Variants in LRRC8C observed in about 807,000 individuals in gnomAD.
LRRC8C encodes the protein leucine rich repeat containing 8 VRAC subunit C.
Under a neutral mutation model 55.3 loss-of-function variants are expected in LRRC8C, and 20 were observed. The observed-to-expected ratio is 0.36, with a 90% CI of 0.25 to 0.53. LRRC8C has a LOEUF of 0.53. Among genes scored for constraint, LRRC8C ranks in the 20% least tolerant of loss-of-function variants. The pLI is 0.92. For missense variants in LRRC8C, 659 were observed against 951.4 expected (o/e 0.69, Z 4.04); for synonymous variants, 376 against 360.7 (o/e 1.04, Z -0.48).
chr1:89,688,912 T>G (rs183480600), intron 2 of LRRC8C, among the ~76,000 whole-genome samples: 1 of 152,178 alleles, frequency 6.6e-6, no homozygotes, highest in Non-Finnish European at 1.5e-5. Context: ...GATTGATCTA[T>G]TGAGTTACTA....
intron 1 of LRRC8C, among the ~76,000 whole-genome samples, chr1:89,648,468 T>C (rs773892411): frequency 3.3e-5 from 5 of 152,164 alleles, no homozygotes; most frequent in Non-Finnish European, 7.4e-5. Flanking sequence ...ATCTGACCTA[T>C]GAGACAAATA....
chr1:89,628,040 C>A, the LRRC8C span, among the ~76,000 whole-genome samples: 1 of 152,184 alleles, frequency 6.6e-6, no homozygotes, highest in Non-Finnish European at 1.5e-5. Flanking sequence ...AGATATTCAA[C>A]CTGCATTTAG....
chr1:89,670,306 C>T (rs146477781), intron 1 of LRRC8C, among the ~76,000 whole-genome samples: 125 of 152,262 alleles, frequency 8.2e-4, no homozygotes, highest in Admixed American at 1.2e-3. Context: ...CGTTAAACCT[C>T]GCATTTTCAT....
chr1:89,677,603 T>C (rs991148719), intron 1 of LRRC8C, among the ~76,000 whole-genome samples: 5 of 152,238 alleles, frequency 3.3e-5, no homozygotes, highest in Non-Finnish European at 7.3e-5. Flanking sequence ...TTAAAAGTTA[T>C]AGTTCACCAT....
intron 2 of LRRC8C, among the ~76,000 whole-genome samples, chr1:89,697,475 G>C (rs963593926): frequency 6.6e-6 from 1 of 152,136 alleles, no homozygotes; most frequent in South Asian, 2.1e-4. Context: ...CAGAACTGAG[G>C]TTTCAGTCCC....
chr1:89,643,272 A>G lies in LRRC8C; in HGVS notation c.-5+9950A>G, dbSNP rs144986213. ...ACACCCAGCTATTTTTTGTGGAGAC[A>G]GGGTTTCATCATGTTGCCCAAGCTG... On this transcript the variant is annotated intron_variant, in intron 1 of 2. Coordinates refer to ENST00000370454, the MANE Select transcript of LRRC8C (RefSeq NM_032270.5). Among the ~76,000 whole-genome samples the G allele has an allele frequency of 1.8e-3, 267 of 152,298 alleles. 1 individual carries two copies. Among genetic ancestry groups the G allele is most frequent in the African/African-American group, 6.0e-3 (248 of 41,568 alleles).
At chr1:89,697,301 A>G (rs1385875938) in intron 2 of LRRC8C, among the ~76,000 whole-genome samples, 2 of 152,216 alleles carry the variant, frequency 1.3e-5, no homozygotes, top group African/African-American at 4.8e-5. Context: ...TTTTATTTGC[A>G]TGCTTCCCAT....
chr1:89,689,775 TACTA>T (rs1198265435), intron 2 of LRRC8C, among the ~76,000 whole-genome samples: 1 of 151,990 alleles, frequency 6.6e-6, no homozygotes, highest in African/African-American at 2.4e-5. Flanking sequence ...ACCCCATCTC[TACTA>T]ACAATACAAA....
chr1:89,696,001 C>T (rs936293030), intron 2 of LRRC8C, among the ~76,000 whole-genome samples: 1 of 152,204 alleles, frequency 6.6e-6, no homozygotes, highest in Non-Finnish European at 1.5e-5. Context: ...GGCAATTACT[C>T]TGATCCTCCC....
intron 1 of LRRC8C, among the ~76,000 whole-genome samples, chr1:89,677,501 C>G (rs1048645182): frequency 2.0e-5 from 3 of 152,172 alleles, no homozygotes; most frequent in African/African-American, 7.2e-5. Context: ...TATTTAAACT[C>G]TTTGTTTCTT....
At chr1:89,689,222 C>T (rs1313923051) in intron 2 of LRRC8C, among the ~76,000 whole-genome samples, 1 of 152,182 alleles carries the variant, frequency 6.6e-6, no homozygotes, top group Non-Finnish European at 1.5e-5. Context: ...GGACATGTTA[C>T]AGGCCTGAAG....
chr1:89,643,274 G>C (rs974184972), intron 1 of LRRC8C, among the ~76,000 whole-genome samples: 1 of 152,104 alleles, frequency 6.6e-6, no homozygotes, highest in African/African-American at 2.4e-5. Context: ...GTGGAGACAG[G>C]GTTTCATCAT....
chr1:89,691,429 C>T lies in LRRC8C; in HGVS notation c.138+4818C>T, dbSNP rs971000145. Among the ~76,000 whole-genome samples, 4 of 152,176 alleles carry T rather than the reference C, an allele frequency of 2.6e-5. 1 individual carries two copies. The highest frequency in any genetic ancestry group is 9.7e-5 in the African/African-American group (4 of 41,436). On this transcript the variant is annotated intron_variant, in intron 2 of 2. Coordinates refer to ENST00000370454, the MANE Select transcript of LRRC8C (RefSeq NM_032270.5). ...GGATTGGCACAGTGACCGGAGGGCC[C>T]AGATGGCATTTTTCGGAGAGGGTGG...
At chr1:89,674,459 T>C (rs1198718685) in intron 1 of LRRC8C, among the ~76,000 whole-genome samples, 1 of 152,206 alleles carries the variant, frequency 6.6e-6, no homozygotes, top group Non-Finnish European at 1.5e-5. Context: ...TAAATCAGTA[T>C]GTTAAATATA....
intron 2 of LRRC8C, among the ~76,000 whole-genome samples, chr1:89,708,963 C>G (rs1658565164): frequency 1.3e-5 from 2 of 151,974 alleles, no homozygotes; most frequent in Admixed American, 1.3e-4. Context: ...TTTTTCTACT[C>G]AGCGCTCGTT....
At chr1:89,689,585 C>T (rs992183598) in intron 2 of LRRC8C, among the ~76,000 whole-genome samples, 9 of 151,944 alleles carry the variant, frequency 5.9e-5, no homozygotes, top group African/African-American at 2.2e-4. Context: ...AGTTGTTCTG[C>T]ATGTATTTTG....
chr1:89,712,725 T>C lies in LRRC8C; in HGVS notation c.155T>C (p.Ile52Thr), dbSNP rs1343141901. ...ATGTTTCAGGTCATGCAAGACAAGA[T>C]AATCTGCCTTCCGAAAAGAGTGCAG... is the stretch of plus-strand genomic sequence containing the variant. ...GCTLQVMQDKIICLPKRVQPA... is the reference protein window; with the variant it reads ...GCTLQVMQDKTICLPKRVQPA... Residue 52 changes from isoleucine to threonine, a missense_variant, in exon 3 of 3, where the codon ATA becomes ACA. Around this residue, in one of 5 missense-constraint regions of LRRC8C, gnomAD observed 82 missense variants for 71.4 expected, o/e 1.15. Transcript: ENST00000370454. 1.9e-6 allele frequency: 3 copies of C among 1,613,572 alleles called. No homozygotes were observed. Among genetic ancestry groups the C allele is most frequent in the East Asian group, 4.5e-5 (2 of 44,890 alleles).
chr1:89,710,389 A>G (rs1658617820), intron 2 of LRRC8C, among the ~76,000 whole-genome samples: 1 of 152,166 alleles, frequency 6.6e-6, no homozygotes, highest in Non-Finnish European at 1.5e-5. Flanking sequence ...GATGTGAAAT[A>G]AAAGTGAAAA....
intron 1 of LRRC8C, among the ~76,000 whole-genome samples, chr1:89,667,023 T>C (rs2185196): frequency 0.56 from 85,364 of 151,900 alleles, 25,539 homozygotes; most frequent in South Asian, 0.74. Context: ...TGAGTTGGTA[T>C]TAATATTTTC....
Sources: allele counts gnomAD v4.1 joint callset (sites outside exome capture counted in the v4.1 genomes callset), GRCh38; gene constraint gnomAD v4.1.1; regional missense constraint gnomAD v4.1.1; transcripts MANE v1.5; gene names NCBI Gene and HGNC (gene_info 2026-07-23, HGNC 2026-07-21).